Variants in SIPA1L1 observed in about 807,000 individuals in gnomAD.
SIPA1L1 encodes the protein signal induced proliferation associated 1 like 1.
In SIPA1L1, 26 loss-of-function variants were observed where a neutral mutation model predicts 162.7. The observed-to-expected ratio is 0.16, with a 90% CI of 0.12 to 0.22. The LOEUF (loss-of-function observed/expected upper bound fraction) is 0.22, where lower values mean the gene tolerates loss of function less well. Among genes scored for constraint, SIPA1L1 ranks in the 10% least tolerant of loss-of-function variants. SIPA1L1 has a pLI of 1.00. For missense variants in SIPA1L1, 1,874 were observed against 2,241.0 expected, an observed-to-expected ratio of 0.84 and a Z score of 3.31; for synonymous variants, 829 against 837.4, an observed-to-expected ratio of 0.99 and a Z score of 0.17.
At chr14:71,585,493 C>G (rs1421382917) in intron 4 of SIPA1L1, among the ~76,000 whole-genome samples, 1 of 152,150 alleles carries the variant, frequency 6.6e-6, no homozygotes, top group Non-Finnish European at 1.5e-5. Flanking sequence ...ATGGTGGAGA[C>G]TGAGCATTTC....
chr14:71,593,855 TCTC>T (rs1166630309), intron 5 of SIPA1L1, among the ~76,000 whole-genome samples: 1 of 152,152 alleles, frequency 6.6e-6, no homozygotes, highest in African/African-American at 2.4e-5. Flanking sequence ...GGAGTGTTAC[TCTC>T]AAAGTCAAGT....
intron 7 of SIPA1L1, among the ~76,000 whole-genome samples, chr14:71,635,445 AT>A (rs2041039926): frequency 6.6e-6 from 1 of 152,244 alleles, no homozygotes; most frequent in East Asian, 1.9e-4. Flanking sequence ...ATGTACAAGA[AT>A]TTTTTAATGT....
intron 2 of SIPA1L1, among the ~76,000 whole-genome samples, chr14:71,389,347 T>C (rs1210761069): frequency 6.6e-6 from 1 of 152,258 alleles, no homozygotes; most frequent in Non-Finnish European, 1.5e-5. Context: ...TTTAACTAAC[T>C]GGAAACTGTG....
At chr14:71,459,187 A>G (rs1227130779) in intron 2 of SIPA1L1, among the ~76,000 whole-genome samples, 1 of 152,160 alleles carries the variant, frequency 6.6e-6, no homozygotes, top group Non-Finnish European at 1.5e-5. Context: ...CCCATTTTAA[A>G]GGGGAGAGTA....
chr14:71,690,974 G>A (rs147254937), intron 13 of SIPA1L1, among the ~76,000 whole-genome samples: 1 of 152,166 alleles, frequency 6.6e-6, no homozygotes, highest in African/African-American at 2.4e-5. Context: ...TGCCTCTTCC[G>A]TCTCGTGTGT....
intron 5 of SIPA1L1, among the ~76,000 whole-genome samples, chr14:71,590,034 AAAAAAAAAAAATATAT>A (rs1457051356): frequency 4.6e-3 from 334 of 72,658 alleles, no homozygotes; most frequent in Non-Finnish European, 7.3e-3. Flanking sequence ...AAAAAAAAAA[AAAAAAAAAAAATATAT>A]ATATATATAT....
At chr14:71,349,804 T>A (rs2036516999) in intron 2 of SIPA1L1, among the ~76,000 whole-genome samples, 6 of 152,220 alleles carry the variant, frequency 3.9e-5, no homozygotes. Context: ...GTATCCTTAG[T>A]GCATTTCCTT....
chr14:71,520,667 T>A (rs1191744872), intron 3 of SIPA1L1, among the ~76,000 whole-genome samples: 1 of 152,332 alleles, frequency 6.6e-6, no homozygotes, highest in Admixed American at 6.5e-5. Context: ...TGCATGATAG[T>A]TCATGTTACA....
chr14:71,425,278 A>G (rs147434590), intron 2 of SIPA1L1, among the ~76,000 whole-genome samples: 226 of 151,516 alleles, frequency 1.5e-3, no homozygotes, highest in East Asian at 3.1e-3. Context: ...TCTTTCTGTG[A>G]GCTTTGGGTT....
chr14:71,423,563 A>T (rs931929929), intron 2 of SIPA1L1, among the ~76,000 whole-genome samples: 2 of 152,164 alleles, frequency 1.3e-5, no homozygotes, highest in Non-Finnish European at 2.9e-5. Flanking sequence ...ATTTGTTGAA[A>T]GGACTGTCCT....
At chr14:71,728,673 C>G (rs2084461876) in intron 19 of SIPA1L1, among the ~76,000 whole-genome samples, 1 of 152,232 alleles carries the variant, frequency 6.6e-6, no homozygotes, top group Admixed American at 6.5e-5. Context: ...CATTCTCTCT[C>G]TGCCCCTTCA....
chr14:71,653,440 C>G (rs1288018887), intron 8 of SIPA1L1, among the ~76,000 whole-genome samples: 1 of 152,198 alleles, frequency 6.6e-6, no homozygotes, highest in African/African-American at 2.4e-5. Context: ...AACCTTTCAT[C>G]TGATATTTCT....
In SIPA1L1 at chr14:71,658,294, G is replaced by C. The variant is rs748545736; in HGVS notation, c.1994-39G>C. 3.2e-6 allele frequency: 3 copies of C among 945,098 alleles called. No homozygotes were observed. The South Asian group carries it at 4.4e-5, about 14-fold the overall frequency. The allele number at this position is 945,098 out of a possible 1,614,324, so 58.5% of individuals were successfully genotyped here. A position where few individuals can be genotyped will look rare whatever the true frequency, so the allele number is the denominator to read the frequency against. ...TTCTCTTAAATAAATTATTTTTCCT[G>C]TTATAGTCATCTCATCATTATATTT... On this transcript the variant is annotated intron_variant, in intron 8 of 23. Transcript: ENST00000381232.
intron 8 of SIPA1L1, 25 bp downstream of exon 8, chr14:71,650,534 C>G: frequency 6.2e-7 from 1 of 1,609,064 alleles, no homozygotes; most frequent in South Asian, 1.1e-5. Context: ...CACCCTCCTA[C>G]TAGGCTTATT....
chr14:71,704,659 T>G, intron 15 of SIPA1L1: 1 of 1,279,246 alleles, frequency 7.8e-7, no homozygotes, highest in East Asian at 2.3e-5. Context: ...CAGCTTGGAG[T>G]CCAAAAGGAA....
intron 2 of SIPA1L1, among the ~76,000 whole-genome samples, chr14:71,461,840 C>T (rs1254306448): frequency 2.0e-5 from 3 of 152,172 alleles, no homozygotes; most frequent in South Asian, 2.1e-4. Context: ...GCATATCGTG[C>T]AGAACCATCT....
chr14:71,326,669 T>A (rs2033842651), intron 2 of SIPA1L1, among the ~76,000 whole-genome samples: 1 of 152,138 alleles, frequency 6.6e-6, no homozygotes, highest in Non-Finnish European at 1.5e-5. Context: ...TGTAATTCAT[T>A]TTCTTCATAT....
chr14:71,698,267 G>C (rs2081807617), intron 13 of SIPA1L1, among the ~76,000 whole-genome samples: 3 of 152,186 alleles, frequency 2.0e-5, no homozygotes, highest in Admixed American at 6.5e-5. Flanking sequence ...AAACATGTCT[G>C]TCCTGACCAC....
At chr14:71,341,602 C>G (rs959791564) in intron 2 of SIPA1L1, among the ~76,000 whole-genome samples, 1 of 152,092 alleles carries the variant, frequency 6.6e-6, no homozygotes, top group African/African-American at 2.4e-5. Flanking sequence ...TCTCGTTATG[C>G]AGGTACTGAG....
Sources: allele counts gnomAD v4.1 joint callset (sites outside exome capture counted in the v4.1 genomes callset), GRCh38; gene constraint gnomAD v4.1.1; transcripts MANE v1.5; gene names NCBI Gene and HGNC (gene_info 2026-07-23, HGNC 2026-07-21).